Variants in PLAUR observed in about 807,000 individuals in gnomAD.
PLAUR encodes plasminogen activator, urokinase receptor.
PLAUR carries 22 observed loss-of-function variants against 33.4 expected under a neutral mutation model. That is an observed-to-expected ratio of 0.66 (90% CI 0.47 to 0.94). PLAUR has a LOEUF of 0.94. Among genes scored for constraint, PLAUR ranks in the 40% least tolerant of loss-of-function variants. The pLI is 0.00. For synonymous variants in PLAUR, 148 were observed against 167.3 expected, an observed-to-expected ratio of 0.88 and a Z score of 0.89; for missense variants, 408 against 434.7, an observed-to-expected ratio of 0.94 and a Z score of 0.55.
At chr19:43,661,727 T>A (rs745739990) in intron 3 of PLAUR, among the ~76,000 whole-genome samples, 2 of 152,076 alleles carry the variant, frequency 1.3e-5, no homozygotes, top group Non-Finnish European at 2.9e-5. Flanking sequence ...TGCTCTCCAG[T>A]GACTTCCAAT....
At chr19:43,651,530 G>A (rs1406415718) in intron 6 of PLAUR, among the ~76,000 whole-genome samples, 3 of 151,810 alleles carry the variant, frequency 2.0e-5, no homozygotes, top group African/African-American at 7.3e-5. Context: ...CTCCTCCTGG[G>A]TTCAAGTGAT....
At chr19:43,670,027 C>A in intron 1 of PLAUR, 39 bp downstream of exon 1, 1 of 1,605,832 alleles carries the variant, frequency 6.2e-7, no homozygotes, top group Non-Finnish European at 8.5e-7. Flanking sequence ...CTCAATTAGA[C>A]CCTGTTCCAG....
chr19:43,659,801 C>T (rs537553160), intron 3 of PLAUR, among the ~76,000 whole-genome samples: 1 of 152,226 alleles, frequency 6.6e-6, no homozygotes, highest in Non-Finnish European at 1.5e-5. Context: ...TCTTCTAGCT[C>T]CTTAATCCTT....
At position 43,649,021 on chromosome 19, in the gene PLAUR, A is replaced by G; in HGVS notation, c.877T>C (p.Cys293Arg). 2 of 1,614,220 alleles carry G rather than the reference A, an allele frequency of 1.2e-6. No individual in the cohort carries two copies. Among genetic ancestry groups the G allele is most frequent in the Non-Finnish European group, 1.7e-6 (2 of 1,180,028 alleles). The change falls in exon 7 of 7, where the codon TGT becomes CGT. Residue 293 changes from cysteine to arginine, a missense_variant. Physicochemically the swap from Cys to Arg is radical, Grantham distance 180. Coordinates refer to ENST00000340093, the MANE Select transcript of PLAUR (RefSeq NM_002659.4). ...TGGACATCCAGGTCTGGGTGGTTAC[A>G]GCCACTTTTAGTACAGCAGGAGACA... is the stretch of plus-strand genomic sequence containing the variant. Reference protein sequence around the residue: ...IDVSCCTKSGCNHPDLDVQYR... With the variant: ...IDVSCCTKSGRNHPDLDVQYR...
At chr19:43,657,400 C>T (rs1166066829) in intron 3 of PLAUR, among the ~76,000 whole-genome samples, 3 of 152,180 alleles carry the variant, frequency 2.0e-5, no homozygotes, top group Non-Finnish European at 4.4e-5. Flanking sequence ...TCTCCTGCCT[C>T]GTCTCCCTCC....
chr19:43,648,377 G>A (rs552913430), downstream of PLAUR, among the ~76,000 whole-genome samples: 18 of 152,152 alleles, frequency 1.2e-4, no homozygotes, highest in African/African-American at 4.1e-4. Flanking sequence ...TAAGAATGGT[G>A]GTGTTTGTTC....
At chr19:43,647,065 C>T (rs1390260892), downstream of PLAUR, among the ~76,000 whole-genome samples, 1 of 152,114 alleles carries the variant, frequency 6.6e-6, no homozygotes, top group Non-Finnish European at 1.5e-5. Flanking sequence ...CAGGCGTGAA[C>T]CACCACAGCC....
intron 6 of PLAUR, chr19:43,651,910 G>T (rs1055523239): frequency 6.3e-5 from 68 of 1,075,028 alleles, no homozygotes; most frequent in Non-Finnish European, 7.4e-5. Flanking sequence ...AGAGATGGGG[G>T]TCTTGCTATG....
intron 3 of PLAUR, among the ~76,000 whole-genome samples, chr19:43,664,557 G>A (rs1054708780): frequency 6.6e-6 from 1 of 152,192 alleles, no homozygotes; most frequent in South Asian, 2.1e-4. Context: ...CGGTTCTCCC[G>A]CCTTGGTCTC....
chr19:43,668,060 C>T, intron 1 of PLAUR: 2 of 1,055,536 alleles, frequency 1.9e-6, no homozygotes, highest in South Asian at 5.9e-5. Flanking sequence ...GGCCCTCGGT[C>T]GATTACGCCT....
chr19:43,648,624 A>C lies in PLAUR; in HGVS notation c.*266T>G. 5.0e-6 allele frequency: 4 copies of C among 800,126 alleles called. No individual in the cohort carries two copies. Among genetic ancestry groups the C allele is most frequent in the Non-Finnish European group, 6.6e-6 (4 of 606,332 alleles). 49.6% of individuals were successfully genotyped at this position (800,126 alleles called of 1,614,324 possible). A position where few individuals can be genotyped will look rare whatever the true frequency, so the allele number is the denominator to read the frequency against. On this transcript the variant is annotated 3_prime_UTR_variant, in exon 7 of 7. Coordinates refer to ENST00000340093, the MANE Select transcript of PLAUR (RefSeq NM_002659.4). Reference sequence around the variant, plus strand: ...ATGTAAGTATAAAATAAATAATATGAATATTAATTAATAACAACAACACAA... The same window carrying C: ...ATGTAAGTATAAAATAAATAATATGCATATTAATTAATAACAACAACACAA...
At chr19:43,659,539 G>A (rs1442098074) in intron 3 of PLAUR, among the ~76,000 whole-genome samples, 3 of 151,942 alleles carry the variant, frequency 2.0e-5, no homozygotes, top group Non-Finnish European at 4.4e-5. Context: ...CCATCTATCT[G>A]CTCATCACTC....
chr19:43,649,166 G>A (rs1880054913), intron 6 of PLAUR, 23 bp from the exon 7 acceptor site: 6 of 1,597,254 alleles, frequency 3.8e-6, no homozygotes, highest in Non-Finnish European at 5.1e-6. Context: ...AAGACGGAGT[G>A]AGACTTCCAG....
At chr19:43,656,174 A>G (rs1600124543) in intron 4 of PLAUR, among the ~76,000 whole-genome samples, 2 of 151,704 alleles carry the variant, frequency 1.3e-5, no homozygotes, top group Admixed American at 6.6e-5. Context: ...AATCACTTGA[A>G]CCTGGGAGGC....
intron 3 of PLAUR, among the ~76,000 whole-genome samples, chr19:43,659,858 T>G (rs1475840900): frequency 6.6e-6 from 1 of 152,218 alleles, no homozygotes; most frequent in Non-Finnish European, 1.5e-5. Flanking sequence ...GCCGAGTTCT[T>G]CATTTGAGTC....
At chr19:43,656,196 C>G (rs1467478370) in intron 4 of PLAUR, among the ~76,000 whole-genome samples, 4 of 150,294 alleles carry the variant, frequency 2.7e-5, no homozygotes, top group African/African-American at 9.8e-5. Context: ...GAGGTTGCAG[C>G]CAGCCAAGAT....
At chr19:43,656,039 G>C (rs7245871) in intron 4 of PLAUR, among the ~76,000 whole-genome samples, 2 of 152,084 alleles carry the variant, frequency 1.3e-5, no homozygotes, top group Non-Finnish European at 2.9e-5. Context: ...TGGATCACAA[G>C]GTCAGGAGTT....
intron 5 of PLAUR, among the ~76,000 whole-genome samples, chr19:43,654,590 TG>T (rs1205395225): frequency 2.6e-5 from 4 of 151,660 alleles, no homozygotes; most frequent in African/African-American, 9.7e-5. Context: ...CAAAATTAGC[TG>T]GGTACGGTGG....
chr19:43,648,811 A>G lies in PLAUR; in HGVS notation c.*79T>C. On this transcript the variant is annotated 3_prime_UTR_variant, in exon 7 of 7. Coordinates refer to ENST00000340093, the MANE Select transcript of PLAUR (RefSeq NM_002659.4). ...GCACACTGGCCTGAGGTCACACAGC[A>G]AGTCTGTAGGGCTGGGAGCCGAGGG... 1.4e-6 allele frequency: 2 copies of G among 1,462,018 alleles called. No homozygotes were observed. The highest frequency in any genetic ancestry group is 1.9e-6 in the Non-Finnish European group (2 of 1,067,136). The allele number at this position is 1,462,018 out of a possible 1,614,324, so 90.6% of individuals were successfully genotyped here.
Sources: allele counts gnomAD v4.1 joint callset (sites outside exome capture counted in the v4.1 genomes callset), GRCh38; gene constraint gnomAD v4.1.1; transcripts MANE v1.5; gene names NCBI Gene and HGNC (gene_info 2026-07-23, HGNC 2026-07-21).